Variants in CCDC91 observed in about 807,000 individuals in gnomAD.
CCDC91 encodes coiled-coil domain-containing protein 91.
A neutral mutation model predicts 63.2 loss-of-function variants in CCDC91; 48 were observed. The ratio of observed to expected loss-of-function variants is 0.76; its 90% CI spans 0.60 to 0.97. CCDC91 has a LOEUF of 0.97. Ranked by LOEUF, CCDC91 falls within the 50% of genes least tolerant of loss-of-function variation. The pLI, the probability that CCDC91 is intolerant of heterozygous loss-of-function variation, is 0.00. For synonymous variants in CCDC91, 167 were observed against 165.8 expected (o/e 1.01, Z -0.06); for missense variants, 500 against 494.6 (o/e 1.01, Z -0.10).
chr12:28,543,815 T>C (rs1178637137), intron 12 of CCDC91, among the ~76,000 whole-genome samples: 1 of 152,006 alleles, frequency 6.6e-6, no homozygotes. Flanking sequence ...CTCCAGTCTA[T>C]CATATCTCAG....
At chr12:28,306,461 T>C (rs1303695399) in intron 4 of CCDC91, among the ~76,000 whole-genome samples, 1 of 152,072 alleles carries the variant, frequency 6.6e-6, no homozygotes, top group Non-Finnish European at 1.5e-5. Context: ...ATTCATACAT[T>C]TTCAAGCACA....
At chr12:28,378,297 A>C (rs1945072835) in intron 7 of CCDC91, among the ~76,000 whole-genome samples, 1 of 152,096 alleles carries the variant, frequency 6.6e-6, no homozygotes, top group Non-Finnish European at 1.5e-5. Context: ...GCAATGTAAA[A>C]TATGTCACAT....
intron 12 of CCDC91, among the ~76,000 whole-genome samples, chr12:28,505,929 C>T (rs1202794352): frequency 3.3e-5 from 5 of 151,960 alleles, no homozygotes; most frequent in Non-Finnish European, 5.9e-5. Flanking sequence ...GGAAAATTTC[C>T]TTTAGGTAAA....
intron 6 of CCDC91, among the ~76,000 whole-genome samples, chr12:28,326,906 T>C (rs1941060421): frequency 1.3e-5 from 2 of 152,152 alleles, no homozygotes; most frequent in South Asian, 4.2e-4. Context: ...TTTTATTCGA[T>C]GCAATAGAAT....
intron 8 of CCDC91, among the ~76,000 whole-genome samples, chr12:28,431,643 T>C (rs1295727961): frequency 6.6e-6 from 1 of 152,054 alleles, no homozygotes; most frequent in Non-Finnish European, 1.5e-5. Flanking sequence ...GAATGGAAAG[T>C]GCAGAAAGTT....
intron 12 of CCDC91, among the ~76,000 whole-genome samples, chr12:28,523,766 C>G (rs1940980594): frequency 6.6e-6 from 1 of 152,096 alleles, no homozygotes; most frequent in Non-Finnish European, 1.5e-5. Context: ...GTAAGGCAGG[C>G]CTGGTGTTGA....
intron 8 of CCDC91, among the ~76,000 whole-genome samples, chr12:28,401,552 A>G (rs1946623502): frequency 1.3e-5 from 2 of 152,138 alleles, no homozygotes; most frequent in Non-Finnish European, 2.9e-5. Context: ...GCAACAGGAA[A>G]GAGAATAAGT....
intron 8 of CCDC91, among the ~76,000 whole-genome samples, chr12:28,399,804 C>T (rs1946506316): frequency 6.6e-6 from 1 of 152,228 alleles, no homozygotes; most frequent in Non-Finnish European, 1.5e-5. Context: ...CCATGTCTCA[C>T]ATCCAGCTCA....
At chr12:28,510,734 A>G (rs7485676) in intron 12 of CCDC91, among the ~76,000 whole-genome samples, 31,704 of 151,844 alleles carry the variant, frequency 0.21, 4,343 homozygotes, top group Non-Finnish European at 0.31. Context: ...TTTATCATGT[A>G]TTTATTGAAC....
intron 8 of CCDC91, among the ~76,000 whole-genome samples, chr12:28,415,622 T>C (rs989073554): frequency 1.6e-4 from 24 of 152,020 alleles, no homozygotes; most frequent in African/African-American, 5.1e-4. Flanking sequence ...TTTGTAATAT[T>C]GATTTGCATA....
chr12:28,253,680 C>G (rs1291084604), intron 1 of CCDC91, among the ~76,000 whole-genome samples: 1 of 152,016 alleles, frequency 6.6e-6, no homozygotes, highest in Non-Finnish European at 1.5e-5. Context: ...TCTCTTTGAC[C>G]TAATTTTTAT....
intron 3 of CCDC91, among the ~76,000 whole-genome samples, chr12:28,283,624 A>G (rs541020805): frequency 6.6e-6 from 1 of 152,190 alleles, no homozygotes; most frequent in South Asian, 2.1e-4. Flanking sequence ...TTTGCAGATG[A>G]TAAGAGTTTT....
At chr12:28,334,067 T>C (rs910482393) in intron 6 of CCDC91, among the ~76,000 whole-genome samples, 3 of 152,026 alleles carry the variant, frequency 2.0e-5, no homozygotes, top group Non-Finnish European at 4.4e-5. Flanking sequence ...TGTGTATGTG[T>C]ATGTGTATGT....
Position 28,391,416 on chromosome 12 carries a change from T to A in CCDC91, c.762+5T>A, listed in dbSNP as rs375842339. 8 of 1,520,964 alleles carry A rather than the reference T, an allele frequency of 5.3e-6. No individual in the cohort carries two copies. The African/African-American group carries it at 1.1e-4, about 21-fold the overall frequency. 94.2% of individuals were successfully genotyped at this position (1,520,964 alleles called of 1,614,324 possible). ...GAGGAGTTGCTAAATGCTCAGGTAATAAAAGTGCACATCCATTATATATTT... is the reference window on the plus strand; with the variant it reads ...GAGGAGTTGCTAAATGCTCAGGTAAAAAAAGTGCACATCCATTATATATTT... On this transcript the variant is annotated splice_donor_5th_base_variant and intron_variant, in intron 8 of 12. Transcript: ENST00000536442.
chr12:28,474,183 A>C (rs777979716), intron 11 of CCDC91, among the ~76,000 whole-genome samples: 1 of 152,140 alleles, frequency 6.6e-6, no homozygotes, highest in Non-Finnish European at 1.5e-5. Context: ...CATTATCAAA[A>C]TATCACACTC....
At chr12:28,331,884 G>A (rs1941545347) in intron 6 of CCDC91, among the ~76,000 whole-genome samples, 1 of 152,132 alleles carries the variant, frequency 6.6e-6, no homozygotes, top group Non-Finnish European at 1.5e-5. Context: ...CTACTCTTAA[G>A]AATCAAACAC....
At chr12:28,323,921 T>A (rs949325005) in intron 6 of CCDC91, among the ~76,000 whole-genome samples, 23 of 151,928 alleles carry the variant, frequency 1.5e-4, no homozygotes, top group African/African-American at 4.8e-4. Context: ...GGGAAGGCAT[T>A]TTTGTAGCTG....
In CCDC91 at chr12:28,302,759, G is replaced by A. The variant is rs986178335; in HGVS notation, c.110-2890G>A. 8.1e-6 allele frequency: 3 copies of A among 368,212 alleles called. No individual in the cohort carries two copies. The East Asian group carries it at 4.9e-4, about 60-fold the overall frequency. 22.8% of individuals were successfully genotyped at this position (368,212 alleles called of 1,614,324 possible). ...GCAAAGCAGGTTTATTTAAGATGAT[G>A]GGCAAGCTTGGTATACCTGTTGGAC... On this transcript the variant is annotated intron_variant, in intron 3 of 12. Coordinates refer to ENST00000536442, the MANE Select transcript of CCDC91 (RefSeq NM_018318.5).
intron 3 of CCDC91, among the ~76,000 whole-genome samples, chr12:28,267,902 T>TA (rs1947423237): frequency 1.7e-5 from 1 of 57,926 alleles, no homozygotes; most frequent in Admixed American, 2.6e-4. Context: ...TTATATATAA[T>TA]TATATTATAT....
Sources: allele counts gnomAD v4.1 joint callset (sites outside exome capture counted in the v4.1 genomes callset), GRCh38; gene constraint gnomAD v4.1.1; transcripts MANE v1.5; gene names NCBI Gene and HGNC (gene_info 2026-07-23, HGNC 2026-07-21).